The following GOLGA3 variants were observed in gnomAD, a reference collection of about 807,000 sequenced individuals.
GOLGA3 encodes the protein golgin A3.
Under a neutral mutation model 169.4 loss-of-function variants are expected in GOLGA3, and 75 were observed. That is an observed-to-expected ratio of 0.44 (90% CI 0.37 to 0.54). The LOEUF (loss-of-function observed/expected upper bound fraction) is 0.54. Among genes scored for constraint, GOLGA3 ranks in the 20% least tolerant of loss-of-function variants. The probability of loss-of-function intolerance (pLI) is 0.00; values close to 1 mark genes in which losing one functional copy is unlikely to be tolerated. For missense variants in GOLGA3, 1,899 were observed against 1,930.0 expected, an observed-to-expected ratio of 0.98 and a Z score of 0.30; for synonymous variants, 824 against 822.4, an observed-to-expected ratio of 1.00 and a Z score of -0.03.
At position 132,787,815 on chromosome 12, in the gene GOLGA3, CCCGGG is replaced by C. The variant is rs1390007136; in HGVS notation, c.2812-1033_2812-1029del. On this transcript the variant is annotated intron_variant, in intron 13 of 23. Coordinates refer to ENST00000450791, the MANE Select transcript of GOLGA3 (RefSeq NM_001389683.1). ...GACCACGGGACCCCTCCCCGGAGAC[CCCGGG>C]ACCCCTCCCCGGAGACCCCGGGACC... Among the ~76,000 whole-genome samples the C allele has an allele frequency of 2.4e-3, 201 of 85,314 alleles. 58 individuals are homozygous for C. The highest frequency in any genetic ancestry group is 0.01 in the Admixed American group (91 of 8,884). 56.0% of individuals were successfully genotyped at this position (85,314 alleles called of 152,430 possible). A position where few individuals can be genotyped will look rare whatever the true frequency, so the allele number is the denominator to read the frequency against.
intron 1 of GOLGA3, chr12:132,826,067 G>A (rs1950401452): frequency 4.3e-6 from 6 of 1,400,348 alleles, no homozygotes; most frequent in East Asian, 2.3e-5. Context: ...CGTCCAGATC[G>A]GTGACATCGT....
intron 21 of GOLGA3, 26 bp from the exon 22 acceptor site, chr12:132,775,331 A>T (rs2045166148): frequency 6.3e-7 from 1 of 1,587,112 alleles, no homozygotes; most frequent in Non-Finnish European, 8.6e-7. Context: ...TCAGATTTTT[A>T]AAAGCTAACA....
At chr12:132,793,690 C>T (rs144210341) in intron 11 of GOLGA3, among the ~76,000 whole-genome samples, 4 of 119,856 alleles carry the variant, frequency 3.3e-5, no homozygotes, top group Non-Finnish European at 5.6e-5. Context: ...ACCCACCGCA[C>T]GGGACCCGCA....
Position 132,796,154 on chromosome 12 carries a change from T to C in GOLGA3, c.2167A>G (p.Met723Val), listed in dbSNP as rs758389517. The C allele has an allele frequency of 1.9e-6, 3 of 1,609,936 alleles. No homozygotes were observed. Among genetic ancestry groups the C allele is most frequent in the Non-Finnish European group, 2.5e-6 (3 of 1,177,760 alleles). The part of the protein sequence containing the change: ...EALQQEHLDL[M>V]KQLTLTQEAL... ...TCCTGAGTCAAGGTGAGCTGTTTCA[T>C]CAGGTCCAGGTGCTCCTGCTGCAAA... is the stretch of plus-strand genomic sequence containing the variant. The change falls in exon 11 of 24, where the codon ATG (methionine) becomes GTG (valine). Residue 723 changes from methionine to valine, a missense_variant. By Grantham distance (21) the Met-to-Val change is conservative. Coordinates refer to ENST00000450791, the MANE Select transcript of GOLGA3 (RefSeq NM_001389683.1).
intron 18 of GOLGA3, among the ~76,000 whole-genome samples, chr12:132,780,258 T>C (rs1348049746): frequency 6.6e-6 from 1 of 150,536 alleles, no homozygotes; most frequent in East Asian, 2.0e-4. Flanking sequence ...GTACTAGGAG[T>C]AGCTGCTCTG....
At chr12:132,792,256 G>C (rs1166378850) in intron 11 of GOLGA3, among the ~76,000 whole-genome samples, 1 of 152,238 alleles carries the variant, frequency 6.6e-6, no homozygotes, top group Non-Finnish European at 1.5e-5. Flanking sequence ...GGAGGTGGGA[G>C]AGGGGATGAG....
At position 132,774,257 on chromosome 12, in the gene GOLGA3, A is replaced by C. The variant is rs1290928052; in HGVS notation, c.4207T>G (p.Cys1403Gly). 6.2e-7 allele frequency: 1 copy of C among 1,612,712 alleles called. No individual in the cohort carries two copies. Among genetic ancestry groups the C allele is most frequent in the African/African-American group, 1.3e-5 (1 of 74,936 alleles). ...NPATPIKIPD[C>G]PVPASLLEEL... The stretch of plus-strand genomic sequence containing the variant: ...TCCAGCAGCGAGGCGGGAACTGGGC[A>C]GTCCGGGATCTTGATGGGCGTGGCA... The change falls in exon 23 of 24, where the codon TGC becomes GGC. Residue 1403 changes from cysteine (C) to glycine (G), a missense_variant. Transcript: ENST00000450791.
rs1385408214 is a variant in GOLGA3, at chr12:132,777,834, G to A, written c.3583-29C>T. 2 of 1,611,292 alleles carry A rather than the reference G, an allele frequency of 1.2e-6. No homozygotes were observed. Among genetic ancestry groups the A allele is most frequent in the East Asian group, 4.5e-5 (2 of 44,850 alleles). On this transcript the variant is annotated intron_variant, in intron 18 of 23. Transcript: ENST00000450791. This position sits in a 1 kb window ranked among gnomAD's most constrained non-coding sequence, Gnocchi z 4.7. Reference sequence around the variant, plus strand: ...GGAGGAAGGAAGCCACGTTGTCCATGCCCTGCGTGACACCCACAGCTTTAT... The same window carrying A: ...GGAGGAAGGAAGCCACGTTGTCCATACCCTGCGTGACACCCACAGCTTTAT...
intron 10 of GOLGA3, 53 bp downstream of exon 10, chr12:132,796,483 GGCT>G: frequency 6.4e-7 from 1 of 1,555,372 alleles, no homozygotes; most frequent in Non-Finnish European, 8.7e-7. Flanking sequence ...GTGCAGTCCT[GGCT>G]GCTCGGGATC....
Position 132,796,132 on chromosome 12 carries a change from T to C in GOLGA3, c.2189A>G (p.Gln730Arg). The C allele has an allele frequency of 1.2e-6, 2 of 1,611,358 alleles. No individual in the cohort carries two copies. Among genetic ancestry groups the C allele is most frequent in the Non-Finnish European group, 1.7e-6 (2 of 1,178,638 alleles). ...CTGCTCCCTGCTCTGCAGAGCCTCC[T>C]GAGTCAAGGTGAGCTGTTTCATCAG... Reference protein sequence around the residue: ...LDLMKQLTLTQEALQSREQSL... With the variant: ...LDLMKQLTLTREALQSREQSL... The change falls in exon 11 of 24, where the codon CAG becomes CGG. Residue 730 changes from glutamine (Q) to arginine (R), a missense_variant. Physicochemically the swap from Gln to Arg is conservative, Grantham distance 43 (BLOSUM62 1). Coordinates refer to ENST00000450791, the MANE Select transcript of GOLGA3 (RefSeq NM_001389683.1).
At chr12:132,791,582 G>A (rs1343914493) in intron 11 of GOLGA3, among the ~76,000 whole-genome samples, 4 of 150,286 alleles carry the variant, frequency 2.7e-5, no homozygotes, top group Non-Finnish European at 5.9e-5. Flanking sequence ...AGGGCTCCAG[G>A]AAAGGACACA....
intron 8 of GOLGA3, among the ~76,000 whole-genome samples, chr12:132,800,854 G>C (rs1362562303): frequency 6.6e-6 from 1 of 152,188 alleles, no homozygotes; most frequent in Non-Finnish European, 1.5e-5. Context: ...AGCTAGTTAA[G>C]AGGCTGAGGT....
At chr12:132,784,936 C>A (rs1297141155) in intron 15 of GOLGA3, among the ~76,000 whole-genome samples, 1 of 152,222 alleles carries the variant, frequency 6.6e-6, no homozygotes, top group African/African-American at 2.4e-5. Context: ...CATGCAGGCA[C>A]AGGTGTGCTC....
intron 1 of GOLGA3, chr12:132,827,508 T>G (rs1290580937): frequency 1.3e-5 from 2 of 151,940 alleles, no homozygotes; most frequent in East Asian, 3.9e-4. Flanking sequence ...AGGCACAGAG[T>G]CTGTCCCGTG....
In GOLGA3 at chr12:132,805,733, A is replaced by C. The variant is rs145124943; in HGVS notation, c.1291-711T>G. Among the ~76,000 whole-genome samples, 732 of 152,306 alleles carry C rather than the reference A, an allele frequency of 4.8e-3. 2 individuals are homozygous for C. The highest frequency in any genetic ancestry group is 0.017 in the African/African-American group (691 of 41,576). On this transcript the variant is annotated intron_variant, in intron 6 of 23. Transcript: ENST00000450791. ...CTGCACTGGTTTTGGGCCCAACTGC[A>C]CCTGCACAGGGCAGCGCTAGGGCAG...
chr12:132,771,707 C>G lies in GOLGA3; in HGVS notation c.*1398G>C, dbSNP rs974729371. On this transcript the variant is annotated 3_prime_UTR_variant, in exon 24 of 24. Transcript: ENST00000450791. ...GCAGAAGTACAGGTGCTCCTACACA[C>G]GAGTACAGGCGCTCCCACAGACAAT... 1.3e-5 allele frequency: 2 copies of G among 152,212 alleles called. No individual in the cohort carries two copies. The highest frequency in any genetic ancestry group is 4.1e-4 in the South Asian group (2 of 4,824). 9.4% of individuals were successfully genotyped at this position (152,212 alleles called of 1,614,324 possible).
At chr12:132,787,142 C>T (rs1455450150) in intron 13 of GOLGA3, among the ~76,000 whole-genome samples, 1 of 152,070 alleles carries the variant, frequency 6.6e-6, no homozygotes, top group Non-Finnish European at 1.5e-5. Context: ...TTAGTAGAGA[C>T]AGGGTTTCAC....
chr12:132,798,309 T>C (rs758822196), intron 9 of GOLGA3, 31 bp downstream of exon 9: 14 of 1,587,258 alleles, frequency 8.8e-6, no homozygotes, highest in South Asian at 2.3e-5. Flanking sequence ...TCTGTTCTCC[T>C]AAGCTTCCAC....
At chr12:132,775,094 T>A (rs777241509) in intron 22 of GOLGA3, 47 bp downstream of exon 22, 1 of 1,561,484 alleles carries the variant, frequency 6.4e-7, no homozygotes. Flanking sequence ...TCCGAGAGCA[T>A]CTACAGCGCA....
Sources: gnomAD v4.1 joint callset for allele counts (sites outside exome capture counted in the v4.1 genomes callset) on GRCh38, gnomAD v4.1.1 for gene constraint, Gnocchi (gnomAD v3.1) non-coding constraint, MANE v1.5 for transcripts, NCBI Gene and HGNC (gene_info 2026-07-23, HGNC 2026-07-21) for gene names.